The following EDAR variants were observed in gnomAD, a reference collection of about 807,000 sequenced individuals.
EDAR encodes ectodysplasin A receptor.
A neutral mutation model predicts 51.3 loss-of-function variants in EDAR; 38 were observed. The observed-to-expected ratio is 0.74, with a 90% CI of 0.57 to 0.97. The LOEUF is 0.97. EDAR is among the 50% of genes least tolerant of loss of function. The probability of loss-of-function intolerance (pLI) is 0.00; values close to 1 mark genes in which losing one functional copy is unlikely to be tolerated. For synonymous variants in EDAR, 227 were observed against 242.1 expected, an observed-to-expected ratio of 0.94 and a Z score of 0.58; for missense variants, 528 against 595.0, an observed-to-expected ratio of 0.89 and a Z score of 1.17.
intron 1 of EDAR, among the ~76,000 whole-genome samples, chr2:108,960,662 A>G (rs1460183267): frequency 6.6e-6 from 1 of 152,246 alleles, no homozygotes; most frequent in Non-Finnish European, 1.5e-5. Flanking sequence ...GTTTTCAAAC[A>G]TGTAAAAGTA....
intron 4 of EDAR, among the ~76,000 whole-genome samples, chr2:108,925,949 G>C (rs1008690618): frequency 1.3e-5 from 2 of 152,142 alleles, no homozygotes; most frequent in South Asian, 2.1e-4. Context: ...TTGGCTCCAA[G>C]AGGCTGTTAT....
intron 1 of EDAR, among the ~76,000 whole-genome samples, chr2:108,941,619 C>T (rs1174844374): frequency 2.6e-5 from 4 of 152,324 alleles, no homozygotes; most frequent in African/African-American, 9.6e-5. Context: ...GAAAAACGAT[C>T]TCCTTGGCCC....
intron 1 of EDAR, among the ~76,000 whole-genome samples, chr2:108,977,522 G>A (rs993146935): frequency 1.3e-5 from 2 of 152,006 alleles, no homozygotes; most frequent in African/African-American, 2.4e-5. Context: ...CGCCAGCCTC[G>A]GCCTCCCAAA....
At chr2:108,951,667 C>T (rs1697830445) in intron 1 of EDAR, among the ~76,000 whole-genome samples, 2 of 152,058 alleles carry the variant, frequency 1.3e-5, no homozygotes, top group South Asian at 4.2e-4. Context: ...TCACTAAAGC[C>T]TGCAATTTCT....
rs540596441 is a variant in EDAR at position 108,910,990 on chromosome 2, G to C, written c.612C>G (p.Leu204=). 4.0e-4 allele frequency: 639 copies of C among 1,614,176 alleles called. 9 individuals carry two copies. In the South Asian group the frequency reaches 6.7e-3, roughly 17 times the overall value. ...TIFIMAIAIV[L]IIMFYILKTK... Reference sequence around the variant, plus strand: ...TCTTCAGGATGTAGAACATGATGATGAGGACGATGGCGATGGCCATGATGA... The same window carrying C: ...TCTTCAGGATGTAGAACATGATGATCAGGACGATGGCGATGGCCATGATGA... The change falls in exon 7 of 12, where the codon CTC becomes CTG. Residue 204 remains leucine (L), a synonymous_variant. Transcript: ENST00000258443.
intron 11 of EDAR, among the ~76,000 whole-genome samples, chr2:108,899,101 A>T (rs1331327419): frequency 6.6e-6 from 1 of 152,264 alleles, no homozygotes; most frequent in Non-Finnish European, 1.5e-5. Flanking sequence ...GGATAAACCC[A>T]AATATATTCA....
intron 1 of EDAR, among the ~76,000 whole-genome samples, chr2:108,984,651 C>G (rs1359226932): frequency 6.6e-6 from 1 of 152,106 alleles, no homozygotes; most frequent in Non-Finnish European, 1.5e-5. Flanking sequence ...CCACTACTAC[C>G]CTGGGCACCT....
chr2:108,987,146 T>C (rs1698512448), intron 1 of EDAR, among the ~76,000 whole-genome samples: 1 of 152,240 alleles, frequency 6.6e-6, no homozygotes, highest in Admixed American at 6.5e-5. Context: ...CTCCTGTATT[T>C]GAATTTCAGA....
chr2:108,963,514 A>C (rs1698093138), intron 1 of EDAR, among the ~76,000 whole-genome samples: 1 of 152,158 alleles, frequency 6.6e-6, no homozygotes, highest in Non-Finnish European at 1.5e-5. Context: ...TACCCAATGT[A>C]CCCCAATGGT....
chr2:108,932,617 G>A (rs953197481), intron 1 of EDAR, among the ~76,000 whole-genome samples: 12 of 151,806 alleles, frequency 7.9e-5, no homozygotes, highest in African/African-American at 2.2e-4. Context: ...GCCAGGGAAC[G>A]GTGGAGAAGA....
At position 108,914,874 on chromosome 2, in the gene EDAR, C is replaced by T. The variant is rs184296868; in HGVS notation, c.443-2110G>A. On this transcript the variant is annotated intron_variant, in intron 5 of 11. Coordinates refer to ENST00000258443, the MANE Select transcript of EDAR (RefSeq NM_022336.4). ...CAGCACTGTGCCTGGTCAGCCCATG[C>T]AGCAAGGCTTCCGGGAGAAGCAAGC... Among the ~76,000 whole-genome samples the T allele has an allele frequency of 5.3e-3, 809 of 152,302 alleles. 40 individuals carry two copies. Among genetic ancestry groups the T allele is most frequent in the Admixed American group, 0.049 (757 of 15,304 alleles).
chr2:108,943,981 T>A (rs1265722332), intron 1 of EDAR, among the ~76,000 whole-genome samples: 5 of 152,234 alleles, frequency 3.3e-5, no homozygotes, highest in African/African-American at 1.2e-4. Context: ...CTGAGGTGAA[T>A]GCATGTGGAA....
Position 108,895,145 on chromosome 2 carries a change from G to GCAAA in EDAR, c.*1758_*1761dup, listed in dbSNP as rs996998421. ...AACCAAATAGGTTCGAAAAACAGCA[G>GCAAA]CAAACAGACACAGTAAATGATGATA... On this transcript the variant is annotated 3_prime_UTR_variant, in exon 12 of 12. Transcript: ENST00000258443. The GCAAA allele has an allele frequency of 4.6e-5, 7 of 152,624 alleles. No individual in the cohort carries two copies. Among genetic ancestry groups the GCAAA allele is most frequent in the Non-Finnish European group, 7.3e-5 (5 of 68,028 alleles). 9.5% of individuals were successfully genotyped at this position (152,624 alleles called of 1,614,324 possible). A position where few individuals can be genotyped will look rare whatever the true frequency, so the allele number is the denominator to read the frequency against.
In EDAR at chr2:108,930,127, G is replaced by C. The variant is rs770245989; in HGVS notation, c.167C>G (p.Pro56Arg). 5 of 1,613,528 alleles carry C rather than the reference G, an allele frequency of 3.1e-6. No homozygotes were observed. In the African/African-American group the frequency reaches 6.7e-5, roughly 22 times the overall value. ...GGAGGGCTGGGTCCTTACCAGGTAG[G>C]GCTCCTCTCCCGGCCCACACGGGGG... Reference protein sequence around the residue: ...ECPPCGPGEEPYLSCGYGTKD... With the variant: ...ECPPCGPGEERYLSCGYGTKD... Residue 56 changes from proline to arginine, a missense_variant, in exon 3 of 12, where the codon CCC (proline) becomes CGC (arginine). Transcript: ENST00000258443.
At chr2:108,929,523 T>C in intron 3 of EDAR, 144 bp from the exon 4 acceptor site, 1 of 855,742 alleles carries the variant, frequency 1.2e-6, no homozygotes, top group Non-Finnish European at 1.9e-6. Flanking sequence ...TTGTCCTAAC[T>C]GCAAAACCCC....
chr2:108,903,227 A>G (rs1696734605), intron 11 of EDAR, among the ~76,000 whole-genome samples: 1 of 152,178 alleles, frequency 6.6e-6, no homozygotes, highest in Non-Finnish European at 1.5e-5. Flanking sequence ...ATGCAGATGA[A>G]AAAAAATTAA....
At chr2:108,910,370 G>C in intron 9 of EDAR, 90 bp downstream of exon 9, 2 of 1,052,544 alleles carry the variant, frequency 1.9e-6, no homozygotes, top group Non-Finnish European at 1.5e-6. Flanking sequence ...AGGCTAGCCT[G>C]TCAGTTCACT....
intron 1 of EDAR, among the ~76,000 whole-genome samples, chr2:108,933,253 G>C (rs559674650): frequency 6.6e-6 from 1 of 152,172 alleles, no homozygotes; most frequent in Non-Finnish European, 1.5e-5. Flanking sequence ...AACTGAAATC[G>C]GGTGGGGGTG....
chr2:108,957,732 C>G (rs1574404428), intron 1 of EDAR, among the ~76,000 whole-genome samples: 3 of 152,248 alleles, frequency 2.0e-5, no homozygotes, highest in Admixed American at 2.0e-4. Context: ...AGGTGAGAAG[C>G]CTCACAATCC....
Sources: gnomAD v4.1 joint callset for allele counts (sites outside exome capture counted in the v4.1 genomes callset) on GRCh38, gnomAD v4.1.1 for gene constraint, MANE v1.5 for transcripts, NCBI Gene and HGNC (gene_info 2026-07-23, HGNC 2026-07-21) for gene names.